The following SESTD1 variants were observed in gnomAD, a reference collection of about 807,000 sequenced individuals.
The protein encoded by SESTD1 is SEC14 domain and spectrin repeat-containing protein 1.
SESTD1 carries 43 observed loss-of-function variants against 101.7 expected under a neutral mutation model. The ratio of observed to expected loss-of-function variants is 0.42; its 90% CI spans 0.33 to 0.55. The LOEUF (loss-of-function observed/expected upper bound fraction) is 0.55, where lower values mean the gene tolerates loss of function less well. Among genes scored for constraint, SESTD1 ranks in the 20% least tolerant of loss-of-function variants. The pLI, the probability that SESTD1 is intolerant of heterozygous loss-of-function variation, is 0.07. For missense variants in SESTD1, 647 were observed against 815.1 expected (o/e 0.79, Z 2.51); for synonymous variants, 283 against 286.8 (o/e 0.99, Z 0.13).
intron 4 of SESTD1, among the ~76,000 whole-genome samples, chr2:179,173,764 C>G (rs1412868837): frequency 6.6e-6 from 1 of 152,076 alleles, no homozygotes; most frequent in African/African-American, 2.4e-5. Context: ...CTATTGCTAC[C>G]ACTCGGTTCT....
At position 179,155,034 on chromosome 2, in the gene SESTD1, CT is replaced by C. The variant is rs2045601540; in HGVS notation, c.370-3644del. ...GTTCAAAGGATTCTCCTGTCTCAGC[CT>C]CCCAAGTAGCTGGACTACAGGGGCG... is the stretch of plus-strand genomic sequence containing the variant. On this transcript the variant is annotated intron_variant, in intron 5 of 17. Coordinates refer to ENST00000428443, the MANE Select transcript of SESTD1 (RefSeq NM_178123.5). Among the ~76,000 whole-genome samples, 2 of 152,092 alleles carry C rather than the reference CT, an allele frequency of 1.3e-5. 1 individual carries two copies. The highest frequency in any genetic ancestry group is 4.2e-4 in the South Asian group (2 of 4,816).
intron 5 of SESTD1, among the ~76,000 whole-genome samples, chr2:179,164,490 T>G (rs1422551564): frequency 6.6e-6 from 1 of 152,188 alleles, no homozygotes; most frequent in Non-Finnish European, 1.5e-5. Flanking sequence ...ATCTTGTCAT[T>G]AGACAGAATA....
At chr2:179,199,374 G>A (rs2046464167) in intron 1 of SESTD1, among the ~76,000 whole-genome samples, 1 of 152,142 alleles carries the variant, frequency 6.6e-6, no homozygotes, top group Non-Finnish European at 1.5e-5. Flanking sequence ...TCTACCAGAG[G>A]TACAAGGAGG....
chr2:179,221,284 G>T (rs947581637), intron 1 of SESTD1, among the ~76,000 whole-genome samples: 3 of 151,460 alleles, frequency 2.0e-5, no homozygotes, highest in Non-Finnish European at 4.4e-5. Flanking sequence ...TGAGATGTAT[G>T]AGTTGCTTTC....
In SESTD1 at chr2:179,246,254, C is replaced by CAAA. The variant is rs60185738; in HGVS notation, c.-26+18242_-26+18244dup. 3.5e-3 allele frequency among the ~76,000 whole-genome samples: 258 copies of CAAA among 73,696 alleles called. 2 individuals are homozygous for CAAA. The highest frequency in any genetic ancestry group is 5.1e-3 in the Non-Finnish European group (209 of 40,648). 48.3% of individuals were successfully genotyped at this position (73,696 alleles called of 152,430 possible). On this transcript the variant is annotated intron_variant, in intron 1 of 17. Transcript: ENST00000428443. ...TGGGTGATAGAGTGAGACTCCATCT[C>CAAA]AAAAAAAAAAAAAAAAAAAAAAAAT...
chr2:179,122,012 G>A (rs938403284), intron 12 of SESTD1, 83 bp from the exon 13 acceptor site: 7 of 1,375,130 alleles, frequency 5.1e-6, no homozygotes, highest in Non-Finnish European at 6.8e-6. Flanking sequence ...ATCAGATATT[G>A]TACCTGGATC....
chr2:179,242,011 A>T (rs917758630), intron 1 of SESTD1, among the ~76,000 whole-genome samples: 1 of 152,118 alleles, frequency 6.6e-6, no homozygotes, highest in Admixed American at 6.5e-5. Flanking sequence ...CATATATGTA[A>T]GAAAAGAAGT....
intron 1 of SESTD1, among the ~76,000 whole-genome samples, chr2:179,224,606 G>C (rs930071188): frequency 1.3e-5 from 2 of 152,230 alleles, no homozygotes; most frequent in East Asian, 1.9e-4. Context: ...TGAATAAAGA[G>C]TTGGAACTTT....
intron 8 of SESTD1, among the ~76,000 whole-genome samples, chr2:179,145,095 ATTT>A (rs1248693946): frequency 6.6e-6 from 1 of 152,102 alleles, no homozygotes; most frequent in Non-Finnish European, 1.5e-5. Context: ...CTTCTTTATT[ATTT>A]ATTACATTTT....
chr2:179,133,313 T>A (rs1261937781), intron 9 of SESTD1, among the ~76,000 whole-genome samples: 1 of 152,168 alleles, frequency 6.6e-6, no homozygotes, highest in South Asian at 2.1e-4. Context: ...TTCCATCATA[T>A]ATTAATAATT....
At position 179,151,368 on chromosome 2, in the gene SESTD1, T is replaced by C; in HGVS notation, c.393A>G (p.Lys131=). 1 of 1,603,230 alleles carries C rather than the reference T, an allele frequency of 6.2e-7. No individual in the cohort carries two copies. The highest frequency in any genetic ancestry group is 8.5e-7 in the Non-Finnish European group (1 of 1,175,740). The change falls in exon 6 of 18, where the codon AAA becomes AAG. Residue 131 remains lysine, a synonymous_variant. Transcript: ENST00000428443. ...GGCATGGTTCTATATAACGAGTCAATTTGTTGGCGGACACTAAAATAACCT... is the reference window on the plus strand; with the variant it reads ...GGCATGGTTCTATATAACGAGTCAACTTGTTGGCGGACACTAAAATAACCT... ...GFEVILVSAN[K]LTRYIEPCQL... is the part of the protein sequence containing the mutation.
chr2:179,264,066 C>A lies in SESTD1; in HGVS notation c.-26+433G>T, dbSNP rs2047520822. The A allele has an allele frequency of 2.0e-5, 3 of 152,436 alleles. No homozygotes were observed. In the South Asian group the frequency reaches 6.2e-4, roughly 32 times the overall value. The allele number at this position is 152,436 out of a possible 1,614,324, so 9.4% of individuals were successfully genotyped here. A position where few individuals can be genotyped will look rare whatever the true frequency, so the allele number is the denominator to read the frequency against. On this transcript the variant is annotated intron_variant, in intron 1 of 17. Coordinates refer to ENST00000428443, the MANE Select transcript of SESTD1 (RefSeq NM_178123.5). ...CGAGAGCAGGGAGCCACATCTGGTTCCTGCACGCTGGCAAAAGAGACCCGC... is the reference window on the plus strand; with the variant it reads ...CGAGAGCAGGGAGCCACATCTGGTTACTGCACGCTGGCAAAAGAGACCCGC...
intron 5 of SESTD1, among the ~76,000 whole-genome samples, chr2:179,167,662 C>A (rs1017204830): frequency 1.3e-5 from 2 of 152,182 alleles, no homozygotes; most frequent in Non-Finnish European, 2.9e-5. Context: ...ATAACATACA[C>A]AGAGGACCAA....
chr2:179,145,667 A>G (rs1051968019), intron 8 of SESTD1, among the ~76,000 whole-genome samples: 8 of 152,338 alleles, frequency 5.3e-5, no homozygotes, highest in Admixed American at 2.0e-4. Context: ...TTGCAAGGTG[A>G]TAAGTGTTTT....
chr2:179,244,851 T>C (rs1246512667), intron 1 of SESTD1, among the ~76,000 whole-genome samples: 1 of 152,158 alleles, frequency 6.6e-6, no homozygotes, highest in East Asian at 1.9e-4. Context: ...TCTAAATGTG[T>C]GTACAGGAAA....
At position 179,103,780 on chromosome 2, in the gene SESTD1, T is replaced by G. The variant is rs1478707248; in HGVS notation, c.*6119A>C. 3 of 152,096 alleles carry G rather than the reference T, an allele frequency of 2.0e-5. No individual in the cohort carries two copies. In the East Asian group the frequency reaches 5.8e-4, roughly 29 times the overall value. The allele number at this position is 152,096 out of a possible 1,614,324, so 9.4% of individuals were successfully genotyped here. On this transcript the variant is annotated 3_prime_UTR_variant, in exon 18 of 18. Transcript: ENST00000428443. ...ACTGGAAAGGGCAGTGTGGAAACTT[T>G]CTAGGGTGGTGATAACGTTTCCTAT...
intron 9 of SESTD1, among the ~76,000 whole-genome samples, chr2:179,141,705 T>A (rs1468445253): frequency 1.3e-5 from 2 of 152,086 alleles, no homozygotes; most frequent in African/African-American, 4.8e-5. Flanking sequence ...ACCTTCCTTT[T>A]CCCCAAGGTC....
chr2:179,124,638 A>AAACTAAGT, intron 10 of SESTD1, 80 bp from the exon 11 acceptor site: 1 of 1,204,608 alleles, frequency 8.3e-7, no homozygotes, highest in Non-Finnish European at 1.2e-6. Context: ...TTCTCCAGAT[A>AAACTAAGT]AACTAAGTAA....
intron 5 of SESTD1, among the ~76,000 whole-genome samples, chr2:179,155,597 C>G (rs2045612637): frequency 6.6e-6 from 1 of 151,484 alleles, no homozygotes; most frequent in Admixed American, 6.6e-5. Flanking sequence ...GTCCAGGCAA[C>G]AGAGTGAGAT....
Sources: allele counts gnomAD v4.1 joint callset (sites outside exome capture counted in the v4.1 genomes callset), GRCh38; gene constraint gnomAD v4.1.1; transcripts MANE v1.5; gene names NCBI Gene and HGNC (gene_info 2026-07-23, HGNC 2026-07-21).